Variants in TXNDC8 observed in about 807,000 individuals in gnomAD.
TXNDC8 encodes thioredoxin domain-containing protein 8.
TXNDC8 carries 15 observed loss-of-function variants against 12.9 expected under a neutral mutation model. The observed-to-expected ratio is 1.16, with a 90% confidence interval of 0.78 to 1.79. The LOEUF (loss-of-function observed/expected upper bound fraction) is 1.79, where lower values mean the gene tolerates loss of function less well. TXNDC8 is among the 40% of genes most tolerant of loss of function. TXNDC8 has a pLI of 0.00. For synonymous variants in TXNDC8, 40 were observed against 35.4 expected (o/e 1.13, Z -0.46); for missense variants, 128 against 113.2 (o/e 1.13, Z -0.59).
intron 4 of TXNDC8, 166 bp from the exon 6 acceptor site, chr9:110,303,749 TA>T (rs1428872448): frequency 1.1e-5 from 17 of 1,492,464 alleles, no homozygotes; most frequent in Non-Finnish European, 1.5e-5. Context: ...AAATTCATAA[TA>T]TTTTCATATT....
At chr9:110,324,057 C>A in intron 3 of TXNDC8, 1 of 1,535,468 alleles carries the variant, frequency 6.5e-7, no homozygotes. Context: ...GGAGGAAAAT[C>A]AGAGTACTAT....
At chr9:110,324,130 A>G in intron 3 of TXNDC8, 1 of 1,235,518 alleles carries the variant, frequency 8.1e-7, no homozygotes, top group Non-Finnish European at 1.1e-6. Flanking sequence ...TAAAGAGAGT[A>G]ACTGATGGAT....
intron 2 of TXNDC8, among the ~76,000 whole-genome samples, chr9:110,330,963 G>A (rs1175819715): frequency 6.6e-6 from 1 of 151,902 alleles, no homozygotes; most frequent in African/African-American, 2.4e-5. Flanking sequence ...TCTGTGGTTA[G>A]TAAACTTTTA....
chr9:110,306,916 A>G (rs2118703562), intron 3 of TXNDC8, among the ~76,000 whole-genome samples: 1 of 152,086 alleles, frequency 6.6e-6, no homozygotes, highest in South Asian at 2.1e-4. Flanking sequence ...GATGAAGACT[A>G]TACCCGAAAT....
At chr9:110,322,957 G>A in intron 3 of TXNDC8, 1 of 985,404 alleles carries the variant, frequency 1.0e-6, no homozygotes, top group Non-Finnish European at 1.2e-6. Flanking sequence ...AATACATGAA[G>A]ATCTGAGTTA....
intron 1 of TXNDC8, among the ~76,000 whole-genome samples, chr9:110,334,640 G>T (rs570816584): frequency 1.2e-3 from 185 of 152,220 alleles, no homozygotes; most frequent in African/African-American, 4.4e-3. Context: ...ATTTCTCTTT[G>T]TAAGTACATA....
Position 110,315,398 on chromosome 9 carries a change from C to T in TXNDC8, c.195+10777G>A, listed in dbSNP as rs564396904. ...CAAGTGTGAGCCACTGCACCCAGCC[C>T]GGGGCAATTTTTTTTAATGCCAAAG... On this transcript the variant is annotated intron_variant, in intron 3 of 4. Transcript: ENST00000423740. 1.9e-4 allele frequency among the ~76,000 whole-genome samples: 29 copies of T among 151,736 alleles called. No homozygotes were observed. The East Asian group carries it at 4.1e-3, about 21-fold the overall frequency.
At position 110,326,324 on chromosome 9, in the gene TXNDC8, A is replaced by C. The variant is rs1839317317; in HGVS notation, c.130-84T>G. 6 of 1,431,326 alleles carry C rather than the reference A, an allele frequency of 4.2e-6. No individual in the cohort carries two copies. In the Admixed American group the frequency reaches 1.0e-4, roughly 25 times the overall value. 88.7% of individuals were successfully genotyped at this position (1,431,326 alleles called of 1,614,324 possible). On this transcript the variant is annotated intron_variant, in intron 2 of 4. Coordinates refer to ENST00000423740, the MANE Select transcript of TXNDC8 (RefSeq NM_001286946.2). ...GCATGTTATTTGGTAACTTTTTAGG[A>C]GGCGTGTCTGAAATTCCAAGGACAC...
chr9:110,313,709 CAAAT>C (rs1838775579), intron 3 of TXNDC8, among the ~76,000 whole-genome samples: 1 of 152,114 alleles, frequency 6.6e-6, no homozygotes, highest in South Asian at 2.1e-4. Flanking sequence ...TCAAAACAAA[CAAAT>C]AACAAACAAA....
At chr9:110,330,089 G>T (rs1396871412) in intron 2 of TXNDC8, among the ~76,000 whole-genome samples, 2 of 152,138 alleles carry the variant, frequency 1.3e-5, no homozygotes, top group Non-Finnish European at 2.9e-5. Flanking sequence ...CAGCTCCTGG[G>T]TATCTTTTCA....
At chr9:110,307,605 A>G (rs1170727791) in intron 3 of TXNDC8, among the ~76,000 whole-genome samples, 1 of 152,166 alleles carries the variant, frequency 6.6e-6, no homozygotes, top group East Asian at 1.9e-4. Flanking sequence ...TCACTAAGCT[A>G]AAGGGAAAAG....
chr9:110,305,546 T>C (rs919019336), intron 3 of TXNDC8, among the ~76,000 whole-genome samples: 25 of 115,506 alleles, frequency 2.2e-4, no homozygotes, highest in African/African-American at 5.6e-4. Flanking sequence ...TGTATTTTCT[T>C]TTTCTTTCTT....
chr9:110,331,753 A>T (rs181125319), intron 2 of TXNDC8, among the ~76,000 whole-genome samples: 2 of 152,306 alleles, frequency 1.3e-5, no homozygotes, highest in East Asian at 1.9e-4. Flanking sequence ...TGTGCAATTC[A>T]CAATAGGGTT....
At chr9:110,317,047 T>C (rs924561582) in intron 3 of TXNDC8, among the ~76,000 whole-genome samples, 4 of 152,236 alleles carry the variant, frequency 2.6e-5, no homozygotes, top group Admixed American at 1.3e-4. Context: ...TGAGGCTTCA[T>C]GCAACTGCCT....
Position 110,334,238 on chromosome 9 carries a change from T to C in TXNDC8, c.107A>G (p.Lys36Arg), listed in dbSNP as rs1274811396. ...CACATGGAAAACAGGAAACATCCTT[T>C]TGCAGGGACCACACCGTTTCGAAGA... Residue 36 changes from lysine (K) to arginine (R), a missense_variant, in exon 2 of 5, where the codon AAA becomes AGA. Coordinates refer to ENST00000423740, the MANE Select transcript of TXNDC8 (RefSeq NM_001286946.2). 3 of 1,613,100 alleles carry C rather than the reference T, an allele frequency of 1.9e-6. No homozygotes were observed. Among genetic ancestry groups the C allele is most frequent in the South Asian group, 2.2e-5 (2 of 91,058 alleles).
chr9:110,311,521 G>GTGTATATA (rs1554702024), intron 3 of TXNDC8, among the ~76,000 whole-genome samples: 9 of 41,244 alleles, frequency 2.2e-4, no homozygotes, highest in African/African-American at 4.2e-4. Context: ...AAATAAAGAG[G>GTGTATATA]TATATATATA....
At chr9:110,324,136 T>C (rs1199829371) in intron 3 of TXNDC8, 2 of 1,180,864 alleles carry the variant, frequency 1.7e-6, no homozygotes, top group Non-Finnish European at 2.3e-6. Context: ...GAGTAACTGA[T>C]GGATAGAGGC....
At chr9:110,312,227 C>T (rs1368194736) in intron 3 of TXNDC8, among the ~76,000 whole-genome samples, 2 of 152,182 alleles carry the variant, frequency 1.3e-5, no homozygotes, top group Non-Finnish European at 1.5e-5. Flanking sequence ...TACCTGATTT[C>T]TCCAGAATTT....
At chr9:110,301,954 G>T (rs10980310), downstream of TXNDC8, among the ~76,000 whole-genome samples, 2,615 of 151,838 alleles carry the variant, frequency 0.017, 171 homozygotes, top group East Asian at 0.19. Context: ...ATAGCCCAAA[G>T]AATATTTTTT....
Sources: gnomAD v4.1 joint callset for allele counts (sites outside exome capture counted in the v4.1 genomes callset) on GRCh38, gnomAD v4.1.1 for gene constraint, MANE v1.5 for transcripts, NCBI Gene and HGNC (gene_info 2026-07-23, HGNC 2026-07-21) for gene names.